Variants in APCDD1L observed in about 807,000 individuals in gnomAD.
The protein encoded by APCDD1L is APC down-regulated 1 like.
APCDD1L carries 21 observed loss-of-function variants against 24.2 expected under a neutral mutation model. The observed-to-expected ratio is 0.87, with a 90% CI of 0.61 to 1.25. The LOEUF (loss-of-function observed/expected upper bound fraction) is 1.25, where lower values mean the gene tolerates loss of function less well. Among genes scored for constraint, APCDD1L ranks in the 50% most tolerant of loss-of-function variants. The pLI, the probability that APCDD1L is intolerant of heterozygous loss-of-function variation, is 0.00. For synonymous variants in APCDD1L, 321 were observed against 323.6 expected (o/e 0.99, Z 0.09); for missense variants, 704 against 711.7 (o/e 0.99, Z 0.12).
intron 3 of APCDD1L, among the ~76,000 whole-genome samples, chr20:58,464,614 G>A (rs1989674201): frequency 6.6e-6 from 1 of 152,330 alleles, no homozygotes; most frequent in East Asian, 1.9e-4. Flanking sequence ...CCCCAGAGGT[G>A]ACACCAGGCT....
intron 1 of APCDD1L, among the ~76,000 whole-genome samples, chr20:58,511,584 T>C (rs540862060): frequency 7.2e-5 from 11 of 152,358 alleles, no homozygotes; most frequent in African/African-American, 7.2e-5. Context: ...GGTCAGAAGA[T>C]AAGTGGCACA....
rs548886350 is a variant in APCDD1L at position 58,472,391 on chromosome 20, G to A, written c.50-1644C>T. Among the ~76,000 whole-genome samples the A allele has an allele frequency of 9.3e-4, 142 of 152,266 alleles. 1 individual carries two copies. The highest frequency in any genetic ancestry group is 3.1e-3 in the African/African-American group (128 of 41,542). On this transcript the variant is annotated intron_variant, in intron 1 of 3. Coordinates refer to ENST00000371149, the MANE Select transcript of APCDD1L (RefSeq NM_153360.3). The stretch of plus-strand genomic sequence containing the variant: ...GCTCAGAGATGGGCTCAGCTTCCAC[G>A]GGGCACATGCCACCCGGATGTGGCA...
intron 1 of APCDD1L, among the ~76,000 whole-genome samples, chr20:58,478,189 G>T (rs1208686271): frequency 1.3e-5 from 2 of 152,068 alleles, no homozygotes; most frequent in African/African-American, 4.8e-5. Context: ...GGTGCCAGAA[G>T]ATCTTCCAGG....
At chr20:58,468,405 A>G (rs1989756038) in intron 2 of APCDD1L, among the ~76,000 whole-genome samples, 1 of 152,118 alleles carries the variant, frequency 6.6e-6, no homozygotes, top group Admixed American at 6.5e-5. Flanking sequence ...AGAAAGAGAA[A>G]TGACTCCTAG....
intron 1 of APCDD1L, among the ~76,000 whole-genome samples, chr20:58,473,418 C>T (rs532555700): frequency 1.3e-5 from 2 of 152,188 alleles, no homozygotes; most frequent in African/African-American, 4.8e-5. Context: ...GCATTCGGAA[C>T]ATGTACACAC....
chr20:58,466,433 C>T, intron 3 of APCDD1L, among the ~76,000 whole-genome samples: 1 of 152,202 alleles, frequency 6.6e-6, no homozygotes, highest in African/African-American at 2.4e-5. Flanking sequence ...GCGAGGGTGG[C>T]GCCCCAGTGG....
At chr20:58,500,689 GCTCACACC>G (rs1990418654) in intron 1 of APCDD1L, among the ~76,000 whole-genome samples, 1 of 152,036 alleles carries the variant, frequency 6.6e-6, no homozygotes, top group Non-Finnish European at 1.5e-5. Context: ...TTTCCTTTCG[GCTCACACC>G]CTCACCACAG....
At chr20:58,464,509 C>A (rs190790906) in intron 3 of APCDD1L, among the ~76,000 whole-genome samples, 2 of 152,340 alleles carry the variant, frequency 1.3e-5, no homozygotes, top group East Asian at 3.9e-4. Flanking sequence ...CCCCAGCCAG[C>A]AGAATTCACA....
rs146619401 is a variant in APCDD1L, at chr20:58,502,165, C to T, written c.49+12494G>A. Among the ~76,000 whole-genome samples the T allele has an allele frequency of 2.4e-4, 36 of 152,246 alleles. No individual in the cohort carries two copies. In the East Asian group the frequency reaches 3.5e-3, roughly 15 times the overall value. On this transcript the variant is annotated intron_variant, in intron 1 of 3. Transcript: ENST00000371149. ...TCACCCAGGATGGAGTACCCTGGTG[C>T]GATCTCGGCTCACTGGAACCTGTCT...
intron 1 of APCDD1L, among the ~76,000 whole-genome samples, chr20:58,488,261 A>G (rs1008998523): frequency 1.3e-5 from 2 of 152,172 alleles, no homozygotes; most frequent in Non-Finnish European, 2.9e-5. Flanking sequence ...CAATAATAGG[A>G]AAAAACATAG....
chr20:58,468,249 T>G (rs78433027), intron 2 of APCDD1L, among the ~76,000 whole-genome samples: 2 of 152,176 alleles, frequency 1.3e-5, no homozygotes, highest in Admixed American at 6.5e-5. Flanking sequence ...GTAGAGCTAA[T>G]GCAGCTATAG....
At chr20:58,506,059 C>T (rs1159396612) in intron 1 of APCDD1L, among the ~76,000 whole-genome samples, 1 of 152,096 alleles carries the variant, frequency 6.6e-6, no homozygotes, top group East Asian at 1.9e-4. Flanking sequence ...GTTCCAAGCC[C>T]CCCACTTCAT....
intron 1 of APCDD1L, among the ~76,000 whole-genome samples, chr20:58,487,852 A>G (rs1990151439): frequency 6.6e-6 from 1 of 152,248 alleles, no homozygotes; most frequent in Non-Finnish European, 1.5e-5. Flanking sequence ...GTTTTGCACA[A>G]GGCTTCTGAT....
rs1287788297 is a variant in APCDD1L at position 58,497,588 on chromosome 20, C to T, written c.49+17071G>A. 6.6e-6 allele frequency among the ~76,000 whole-genome samples: 1 copy of T among 152,108 alleles called. No individual in the cohort carries two copies. Among genetic ancestry groups the T allele is most frequent in the Non-Finnish European group, 1.5e-5 (1 of 68,018 alleles). ...GTCTCTTCACATCGTCTTCCTTCGA[C>T]GCAGGTCTGCGTCCAAATATCCCCT... On this transcript the variant is annotated intron_variant, in intron 1 of 3. Coordinates refer to ENST00000371149, the MANE Select transcript of APCDD1L (RefSeq NM_153360.3). This position sits in a 1 kb window ranked among gnomAD's most constrained non-coding sequence, Gnocchi z 4.3.
intron 1 of APCDD1L, among the ~76,000 whole-genome samples, chr20:58,513,269 C>A (rs1990665980): frequency 6.6e-6 from 1 of 152,176 alleles, no homozygotes; most frequent in African/African-American, 2.4e-5. Context: ...TCACCCTTTC[C>A]AGTTTGCATT....
At chr20:58,481,240 G>A (rs1295668224) in intron 1 of APCDD1L, among the ~76,000 whole-genome samples, 1 of 152,208 alleles carries the variant, frequency 6.6e-6, no homozygotes, top group Non-Finnish European at 1.5e-5. Flanking sequence ...TCTCCCGTTG[G>A]ACTGAACTTT....
intron 1 of APCDD1L, among the ~76,000 whole-genome samples, chr20:58,495,016 C>T (rs1388747920): frequency 1.3e-5 from 2 of 152,186 alleles, no homozygotes; most frequent in Non-Finnish European, 2.9e-5. Flanking sequence ...CCTGCTGCCC[C>T]CTGCACTCCT....
At position 58,459,204 on chromosome 20, in the gene APCDD1L, T is replaced by C. The variant is rs926105796; in HGVS notation, c.*1586A>G. ...CAAGACCTGCTCAGCCGTGGACATA[T>C]CATCGACACCCACTGCCATCCCCAC... On this transcript the variant is annotated 3_prime_UTR_variant, in exon 4 of 4. Transcript: ENST00000371149. 1.3e-5 allele frequency: 2 copies of C among 152,238 alleles called. No homozygotes were observed. The highest frequency in any genetic ancestry group is 4.8e-5 in the African/African-American group (2 of 41,448). The allele number at this position is 152,238 out of a possible 1,614,324, so 9.4% of individuals were successfully genotyped here. A position where few individuals can be genotyped will look rare whatever the true frequency, so the allele number is the denominator to read the frequency against.
In APCDD1L at chr20:58,474,540, C is replaced by G. The variant is rs564466384; in HGVS notation, c.50-3793G>C. ...CCAACATGGTGAAACCCTGTTTATA[C>G]TAAAAGTACAAAAACTAGCTGGGCA... is the stretch of plus-strand genomic sequence containing the variant. On this transcript the variant is annotated intron_variant, in intron 1 of 3. Coordinates refer to ENST00000371149, the MANE Select transcript of APCDD1L (RefSeq NM_153360.3). 2.6e-4 allele frequency among the ~76,000 whole-genome samples: 40 copies of G among 152,194 alleles called. 1 individual carries two copies. The South Asian group carries it at 8.3e-3, about 32-fold the overall frequency.
Sources: allele counts gnomAD v4.1 joint callset (sites outside exome capture counted in the v4.1 genomes callset), GRCh38; gene constraint gnomAD v4.1.1; non-coding constraint Gnocchi (gnomAD v3.1); transcripts MANE v1.5; gene names NCBI Gene and HGNC (gene_info 2026-07-23, HGNC 2026-07-21).